Variants in KLRG1 observed in about 807,000 individuals in gnomAD.
KLRG1 encodes the protein killer cell lectin like receptor G1.
A neutral mutation model predicts 21.8 loss-of-function variants in KLRG1; 16 were observed. The ratio of observed to expected loss-of-function variants is 0.73; its 90% CI spans 0.50 to 1.11. The LOEUF is 1.11. Ranked by LOEUF, KLRG1 falls within the 50% of genes most tolerant of loss-of-function variation. The pLI, the probability that KLRG1 is intolerant of heterozygous loss-of-function variation, is 0.00. For synonymous variants in KLRG1, 69 were observed against 75.9 expected (o/e 0.91, Z 0.47); for missense variants, 173 against 218.3 (o/e 0.79, Z 1.31).
the KLRG1 span, among the ~76,000 whole-genome samples, chr12:9,048,406 C>A: frequency 6.6e-6 from 1 of 151,976 alleles, no homozygotes; most frequent in Admixed American, 6.6e-5. Flanking sequence ...TAGAGAAATA[C>A]AAGATAAGAA....
chr12:9,163,766 C>T, the KLRG1 span: 1 of 1,612,990 alleles, frequency 6.2e-7, no homozygotes, highest in African/African-American at 1.3e-5. Flanking sequence ...ATTGCCTCTG[C>T]ACTCACTGAG....
intron 3 of KLRG1, among the ~76,000 whole-genome samples, chr12:9,004,414 T>G (rs1814358457): frequency 6.6e-6 from 1 of 152,240 alleles, no homozygotes; most frequent in Non-Finnish European, 1.5e-5. Flanking sequence ...GAGTTTTAAC[T>G]TCTTGCAGCA....
At chr12:9,048,081 C>A in the KLRG1 span, among the ~76,000 whole-genome samples, 2 of 152,296 alleles carry the variant, frequency 1.3e-5, no homozygotes, top group African/African-American at 4.8e-5. Flanking sequence ...TTTTCTCAAG[C>A]TCACATGGAA....
At chr12:9,187,624 T>A in the KLRG1 span, among the ~76,000 whole-genome samples, 4 of 152,212 alleles carry the variant, frequency 2.6e-5, no homozygotes, top group Non-Finnish European at 5.9e-5. Context: ...GGAAGTTCTT[T>A]GAAACCAGTA....
chr12:9,134,148 G>A, the KLRG1 span, among the ~76,000 whole-genome samples: 1 of 152,052 alleles, frequency 6.6e-6, no homozygotes, highest in African/African-American at 2.4e-5. Context: ...TGCCTGTCTT[G>A]GTCTCAATAA....
intron 1 of KLRG1, among the ~76,000 whole-genome samples, chr12:8,968,869 A>G (rs1946522663): frequency 6.6e-6 from 1 of 152,262 alleles, no homozygotes. Context: ...CAAAGAAGAA[A>G]TAATGAATTA....
chr12:9,169,336 G>T, the KLRG1 span: 4 of 1,207,748 alleles, frequency 3.3e-6, no homozygotes, highest in Admixed American at 2.6e-5. Flanking sequence ...GAGAGGCAAG[G>T]CTACATAATT....
chr12:9,022,041 C>T, the KLRG1 span, among the ~76,000 whole-genome samples: 1 of 148,664 alleles, frequency 6.7e-6, no homozygotes, highest in African/African-American at 2.5e-5. Context: ...GGAAGGATCC[C>T]TTGGGCCCAG....
chr12:9,121,632 A>G, the KLRG1 span, among the ~76,000 whole-genome samples: 1 of 152,370 alleles, frequency 6.6e-6, no homozygotes, highest in African/African-American at 2.4e-5. The surrounding 1 kb of genome is among the most constrained non-coding windows in gnomAD (Gnocchi z 4.4). Context: ...AGGTTTCTAA[A>G]GAGGACTGAT....
chr12:8,980,027 A>G (rs1946729150), intron 1 of KLRG1, among the ~76,000 whole-genome samples: 2 of 152,064 alleles, frequency 1.3e-5, no homozygotes, highest in South Asian at 2.1e-4. Context: ...CAGCCTCCCA[A>G]GTGGCTGGGA....
the KLRG1 span, among the ~76,000 whole-genome samples, chr12:9,182,368 C>T: frequency 7.9e-5 from 12 of 152,096 alleles, no homozygotes; most frequent in South Asian, 2.5e-3. Flanking sequence ...TTTGATATTC[C>T]ACTTAACTGT....
the KLRG1 span, chr12:9,115,708 C>T: frequency 7.6e-7 from 1 of 1,322,838 alleles, no homozygotes; most frequent in South Asian, 1.2e-5. Context: ...AAAGAAAAAT[C>T]TGCAATAAAT....
chr12:9,118,963 A>G, the KLRG1 span, among the ~76,000 whole-genome samples: 1 of 152,214 alleles, frequency 6.6e-6, no homozygotes, highest in Admixed American at 6.5e-5. Context: ...GCTCTTGTCT[A>G]GGCAATGGGC....
chr12:9,175,164 A>G, the KLRG1 span, among the ~76,000 whole-genome samples: 1 of 152,208 alleles, frequency 6.6e-6, no homozygotes, highest in Non-Finnish European at 1.5e-5. Context: ...CCGCAAACCT[A>G]CAACCATCTG....
chr12:9,180,918 A>G, the KLRG1 span: 1 of 1,538,426 alleles, frequency 6.5e-7, no homozygotes, highest in East Asian at 2.3e-5. Context: ...AAGGGCTAAT[A>G]GAGGCTTCTT....
At chr12:9,016,335 T>C in the KLRG1 span, among the ~76,000 whole-genome samples, 4 of 151,934 alleles carry the variant, frequency 2.6e-5, no homozygotes, top group Non-Finnish European at 5.9e-5. Context: ...TTACAACAAA[T>C]ACAGCAGAAA....
the KLRG1 span, chr12:9,109,818 G>GT: frequency 6.5e-7 from 1 of 1,529,992 alleles, no homozygotes; most frequent in Non-Finnish European, 8.8e-7. Flanking sequence ...GGACCTAAGA[G>GT]TTTAAATATG....
the KLRG1 span, chr12:9,028,954 T>C: frequency 1.6e-6 from 1 of 628,770 alleles, no homozygotes; most frequent in Admixed American, 1.8e-5. Flanking sequence ...GGGTCTCTCA[T>C]TACGGCACAG....
At chr12:9,200,356 T>C in the KLRG1 span, 3 of 1,570,092 alleles carry the variant, frequency 1.9e-6, no homozygotes, top group African/African-American at 2.7e-5. Flanking sequence ...AAAAACAATG[T>C]AACTCACTCT....
Sources: gnomAD v4.1 joint callset for allele counts (sites outside exome capture counted in the v4.1 genomes callset) on GRCh38, gnomAD v4.1.1 for gene constraint, Gnocchi (gnomAD v3.1) non-coding constraint, MANE v1.5 for transcripts, NCBI Gene and HGNC (gene_info 2026-07-23, HGNC 2026-07-21) for gene names.